Variants in RNF111 observed in about 807,000 individuals in gnomAD.
RNF111 encodes E3 ubiquitin-protein ligase Arkadia.
In RNF111, 17 loss-of-function variants were observed where a neutral mutation model predicts 95.1. That is an observed-to-expected ratio of 0.18 (90% CI 0.12 to 0.27). The LOEUF is 0.27. Ranked by LOEUF, RNF111 falls within the 10% of genes least tolerant of loss-of-function variation. The pLI, the probability that RNF111 is intolerant of heterozygous loss-of-function variation, is 1.00. For missense variants in RNF111, 1,189 were observed against 1,210.4 expected (o/e 0.98, Z 0.26); for synonymous variants, 440 against 414.8 (o/e 1.06, Z -0.74).
chr15:59,091,306 A>G (rs2079045430), intron 12 of RNF111, 152 bp downstream of exon 12: 3 of 479,046 alleles, frequency 6.3e-6, no homozygotes, highest in Non-Finnish European at 1.1e-5. Flanking sequence ...TAAAAAATAT[A>G]TACTTTGCAG....
chr15:59,031,025 G>A lies in RNF111; in HGVS notation c.203G>A (p.Cys68Tyr), dbSNP rs200330460. 2.5e-6 allele frequency: 4 copies of A among 1,614,220 alleles called. No individual in the cohort carries two copies. The Admixed American group carries it at 6.7e-5, about 27-fold the overall frequency. Residue 68 changes from cysteine (C) to tyrosine (Y), a missense_variant, in exon 2 of 14, where the codon TGT becomes TAT. Physicochemically the swap from Cys to Tyr is radical, Grantham distance 194. Transcript: ENST00000348370. ...SKVGNEFSHL[C>Y]DDSQKQEKEM... ...GTGGGGAATGAATTCTCTCACCTGT[G>A]TGATGATTCTCAAAAGCAAGAGAAG...
At chr15:58,990,648 T>G (rs2935478) in intron 1 of RNF111, among the ~76,000 whole-genome samples, 1 of 152,242 alleles carries the variant, frequency 6.6e-6, no homozygotes, top group South Asian at 2.1e-4. Flanking sequence ...AGCGAGACTG[T>G]TTCTCAAAAC....
chr15:59,000,150 AT>A (rs796904119), intron 1 of RNF111, among the ~76,000 whole-genome samples: 106 of 136,788 alleles, frequency 7.7e-4, no homozygotes, highest in South Asian at 7.0e-3. Context: ...TCTTCCAGTG[AT>A]TTTTTTTTTC....
At chr15:59,032,269 A>G (rs2040948175) in intron 2 of RNF111, among the ~76,000 whole-genome samples, 1 of 152,116 alleles carries the variant, frequency 6.6e-6, no homozygotes, top group Non-Finnish European at 1.5e-5. Context: ...ATATTAGATT[A>G]TATTTTATGT....
intron 2 of RNF111, among the ~76,000 whole-genome samples, chr15:59,040,688 T>C (rs1333566760): frequency 2.6e-5 from 4 of 152,190 alleles, no homozygotes; most frequent in African/African-American, 4.8e-5. Context: ...AAAATTACTT[T>C]TAATGGCAAA....
chr15:59,064,974 C>T (rs1316707523), intron 5 of RNF111, among the ~76,000 whole-genome samples: 1 of 151,934 alleles, frequency 6.6e-6, no homozygotes, highest in East Asian at 1.9e-4. Flanking sequence ...ATTATTTAAG[C>T]TGTTTTGGTT....
chr15:59,082,970 T>C (rs1326010179), intron 8 of RNF111, among the ~76,000 whole-genome samples: 1 of 152,118 alleles, frequency 6.6e-6, no homozygotes, highest in African/African-American at 2.4e-5. Flanking sequence ...TAAAAACTAA[T>C]ATAAAATAAT....
chr15:59,011,125 A>T (rs573383377), intron 1 of RNF111, among the ~76,000 whole-genome samples: 1 of 152,154 alleles, frequency 6.6e-6, no homozygotes, highest in Non-Finnish European at 1.5e-5. Context: ...ATCATTAATT[A>T]TATAGTTTAT....
intron 6 of RNF111, among the ~76,000 whole-genome samples, chr15:59,069,529 CTT>C (rs1221871607): frequency 4.6e-5 from 7 of 152,164 alleles, no homozygotes. Flanking sequence ...GGTAGGATCT[CTT>C]TTACAGGTCT....
chr15:59,053,601 A>G (rs1164730095), intron 3 of RNF111, among the ~76,000 whole-genome samples: 1 of 152,142 alleles, frequency 6.6e-6, no homozygotes, highest in Non-Finnish European at 1.5e-5. Flanking sequence ...GTTTGTTTTA[A>G]TTTTATATTA....
chr15:59,058,857 A>G (rs1433285424), intron 5 of RNF111, among the ~76,000 whole-genome samples: 3 of 152,208 alleles, frequency 2.0e-5, no homozygotes, highest in South Asian at 2.1e-4. Flanking sequence ...AAAATTTAGA[A>G]CTTTCGTGCA....
intron 1 of RNF111, among the ~76,000 whole-genome samples, chr15:59,025,790 G>T (rs1170741443): frequency 1.3e-5 from 2 of 151,726 alleles, no homozygotes; most frequent in East Asian, 1.9e-4. Flanking sequence ...GAGTGCAATG[G>T]CGCGATCTCG....
At chr15:59,055,981 C>A (rs1379804320) in intron 4 of RNF111, 136 bp downstream of exon 4, 3 of 654,944 alleles carry the variant, frequency 4.6e-6, no homozygotes, top group Non-Finnish European at 6.9e-6. Context: ...TTTTTAATCT[C>A]GTTTTTAATT....
At chr15:59,035,836 T>G (rs2041150456) in intron 2 of RNF111, among the ~76,000 whole-genome samples, 1 of 152,146 alleles carries the variant, frequency 6.6e-6, no homozygotes, top group Non-Finnish European at 1.5e-5. Context: ...CTGTCAGCAT[T>G]TTGGTCAAAG....
chr15:58,998,248 T>G (rs1386975391), intron 1 of RNF111, among the ~76,000 whole-genome samples: 2 of 152,066 alleles, frequency 1.3e-5, no homozygotes, highest in African/African-American at 4.8e-5. Context: ...TGGGAAGTTT[T>G]TTTTTTTTTT....
At chr15:59,062,559 A>G (rs2042486200) in intron 5 of RNF111, among the ~76,000 whole-genome samples, 1 of 152,238 alleles carries the variant, frequency 6.6e-6, no homozygotes, top group African/African-American at 2.4e-5. Flanking sequence ...CAGTGGGAAC[A>G]AAACAGATAA....
chr15:59,003,786 CT>C (rs2039426316), intron 1 of RNF111, among the ~76,000 whole-genome samples: 2 of 152,206 alleles, frequency 1.3e-5, no homozygotes, highest in Non-Finnish European at 2.9e-5. Context: ...AGAGCAAAGA[CT>C]TTCTATGTCC....
intron 2 of RNF111, among the ~76,000 whole-genome samples, chr15:59,036,530 C>T (rs1200103511): frequency 6.6e-5 from 10 of 152,166 alleles, no homozygotes; most frequent in Non-Finnish European, 5.9e-5. Flanking sequence ...CATCAGATCT[C>T]ATGAGACTTG....
At chr15:59,005,716 GGGGAAGAATTCAGA>G (rs1242491119) in intron 1 of RNF111, among the ~76,000 whole-genome samples, 33 of 152,148 alleles carry the variant, frequency 2.2e-4, no homozygotes, top group African/African-American at 8.0e-4. Flanking sequence ...TCGTGGGTAG[GGGGAAGAATTCAGA>G]GGGAAGAAGC....
Sources: gnomAD v4.1 joint callset for allele counts (sites outside exome capture counted in the v4.1 genomes callset) on GRCh38, gnomAD v4.1.1 for gene constraint, MANE v1.5 for transcripts, NCBI Gene and HGNC (gene_info 2026-07-23, HGNC 2026-07-21) for gene names.